GABRB1: variants seen among roughly 807,000 people sequenced by gnomAD.
GABRB1 encodes gamma-aminobutyric acid receptor subunit beta-1.
Under a neutral mutation model 51.6 loss-of-function variants are expected in GABRB1, and 17 were observed. That is an observed-to-expected ratio of 0.33 (90% confidence interval 0.23 to 0.49). GABRB1 has a LOEUF of 0.49. GABRB1 is among the 20% of genes least tolerant of loss of function. GABRB1 has a pLI of 0.99. For synonymous variants in GABRB1, 247 were observed against 218.9 expected, an observed-to-expected ratio of 1.13 and a Z score of -1.14; for missense variants, 410 against 600.6, an observed-to-expected ratio of 0.68 and a Z score of 3.32.
At chr4:47,313,004 C>G (rs1030394770) in intron 4 of GABRB1, among the ~76,000 whole-genome samples, 1 of 152,102 alleles carries the variant, frequency 6.6e-6, no homozygotes, top group Non-Finnish European at 1.5e-5. Context: ...AGGCCAATGA[C>G]CATGCATCAT....
intron 4 of GABRB1, among the ~76,000 whole-genome samples, chr4:47,295,925 C>T (rs189873885): frequency 6.6e-6 from 1 of 152,284 alleles, no homozygotes; most frequent in East Asian, 1.9e-4. Flanking sequence ...AGAAACTCTA[C>T]AAGCCAGAAG....
chr4:47,261,861 G>A (rs370033772), intron 4 of GABRB1, among the ~76,000 whole-genome samples: 18 of 152,104 alleles, frequency 1.2e-4, no homozygotes, highest in Non-Finnish European at 2.5e-4. Context: ...ATCAATGGAA[G>A]AGAACAGAGC....
At chr4:47,263,383 T>C (rs747543241) in intron 4 of GABRB1, among the ~76,000 whole-genome samples, 2 of 151,858 alleles carry the variant, frequency 1.3e-5, no homozygotes, top group Non-Finnish European at 2.9e-5. Context: ...AAGCAGTAAA[T>C]ATGACTAGGG....
At chr4:47,231,843 T>G (rs933612243) in intron 4 of GABRB1, among the ~76,000 whole-genome samples, 1 of 152,208 alleles carries the variant, frequency 6.6e-6, no homozygotes, top group African/African-American at 2.4e-5. Context: ...TTTATCCATG[T>G]TCAACTCTGT....
intron 5 of GABRB1, among the ~76,000 whole-genome samples, chr4:47,391,470 C>T (rs894609581): frequency 6.6e-6 from 1 of 152,200 alleles, no homozygotes; most frequent in Admixed American, 6.5e-5. Context: ...CTTCTCCCCA[C>T]CTCAACTGCA....
intron 3 of GABRB1, among the ~76,000 whole-genome samples, chr4:47,061,937 C>T (rs918754323): frequency 7.9e-5 from 12 of 152,200 alleles, no homozygotes; most frequent in Non-Finnish European, 1.6e-4. Context: ...TTCATTCCCA[C>T]GTTGAATTCT....
At chr4:47,130,178 A>T (rs1424732780) in intron 3 of GABRB1, among the ~76,000 whole-genome samples, 1 of 151,788 alleles carries the variant, frequency 6.6e-6, no homozygotes, top group Non-Finnish European at 1.5e-5. Flanking sequence ...TGATCATGTC[A>T]CTCTCCTGCT....
chr4:47,077,737 T>G (rs983030766), intron 3 of GABRB1, among the ~76,000 whole-genome samples: 3 of 150,396 alleles, frequency 2.0e-5, no homozygotes, highest in African/African-American at 7.3e-5. Context: ...TTGCTAAAAA[T>G]TAGCTTATCA....
intron 3 of GABRB1, among the ~76,000 whole-genome samples, chr4:47,126,823 G>A (rs10011073): frequency 0.014 from 2,195 of 152,088 alleles, 49 homozygotes; most frequent in African/African-American, 0.05. Context: ...AATCATAGAA[G>A]AGAGGACATA....
At chr4:47,150,482 T>C (rs1046517466) in intron 3 of GABRB1, among the ~76,000 whole-genome samples, 19 of 151,940 alleles carry the variant, frequency 1.3e-4, no homozygotes, top group African/African-American at 4.4e-4. Flanking sequence ...GATTAAATAA[T>C]TAACAGTATA....
At chr4:47,315,937 T>C (rs988528114) in intron 4 of GABRB1, among the ~76,000 whole-genome samples, 5 of 151,834 alleles carry the variant, frequency 3.3e-5, no homozygotes, top group African/African-American at 1.2e-4. Context: ...TATTGGATAC[T>C]ATGACTATTA....
chr4:47,155,994 TCCATATTTTG>T (rs902882754), intron 3 of GABRB1, among the ~76,000 whole-genome samples: 1 of 140,496 alleles, frequency 7.1e-6, no homozygotes, highest in African/African-American at 2.6e-5. Context: ...TTAGGTTGAT[TCCATATTTTG>T]CCTATTATGG....
rs1337291918 is a variant in GABRB1, at chr4:47,179,127, C to T, written c.461+17658C>T. Among the ~76,000 whole-genome samples the T allele has an allele frequency of 5.9e-5, 9 of 152,134 alleles. No individual in the cohort carries two copies. The East Asian group carries it at 1.6e-3, about 26-fold the overall frequency. On this transcript the variant is annotated intron_variant, in intron 4 of 8. Coordinates refer to ENST00000295454, the MANE Select transcript of GABRB1 (RefSeq NM_000812.4). ...TTATCTCTCCCCTAGCCCCTCACCC[C>T]CTGACAGGCCCCAGTGTGTGATGTT...
intron 5 of GABRB1, among the ~76,000 whole-genome samples, chr4:47,340,651 A>T (rs772178462): frequency 4.6e-5 from 7 of 152,044 alleles, no homozygotes; most frequent in Non-Finnish European, 1.0e-4. Flanking sequence ...AGCCCTCATG[A>T]TTTAATCACC....
At chr4:47,387,712 G>C (rs773920394) in intron 5 of GABRB1, among the ~76,000 whole-genome samples, 1 of 152,138 alleles carries the variant, frequency 6.6e-6, no homozygotes, top group South Asian at 2.1e-4. Flanking sequence ...GCAGGCATGG[G>C]GGGATCTCAT....
In GABRB1 at chr4:47,031,618, G is replaced by C. The variant is rs768048038; in HGVS notation, c.-34G>C. On this transcript the variant is annotated 5_prime_UTR_variant, in exon 1 of 9. Coordinates refer to ENST00000295454, the MANE Select transcript of GABRB1 (RefSeq NM_000812.4). ...ACTAAGTTGCATTCCTTGAATCTTC[G>C]CAGAAAAGACAATTCTTTTAATCAG... 1 of 1,563,244 alleles carries C rather than the reference G, an allele frequency of 6.4e-7. No homozygotes were observed. The highest frequency in any genetic ancestry group is 1.7e-4 in the Middle Eastern group (1 of 5,962).
intron 4 of GABRB1, among the ~76,000 whole-genome samples, chr4:47,305,132 C>T (rs1274934065): frequency 6.6e-6 from 1 of 152,058 alleles, no homozygotes; most frequent in African/African-American, 2.4e-5. Context: ...TATGCTTAGA[C>T]TATTCGATGT....
At chr4:47,078,058 T>G (rs1727652607) in intron 3 of GABRB1, among the ~76,000 whole-genome samples, 1 of 147,216 alleles carries the variant, frequency 6.8e-6, no homozygotes, top group Non-Finnish European at 1.5e-5. Context: ...GGCATGACCT[T>G]GGCTCACCGC....
intron 4 of GABRB1, among the ~76,000 whole-genome samples, chr4:47,199,392 T>A (rs968510077): frequency 6.6e-6 from 1 of 152,300 alleles, no homozygotes; most frequent in East Asian, 1.9e-4. Context: ...GTACGACTCA[T>A]GGATCCCCTT....
Sources: allele counts gnomAD v4.1 joint callset (sites outside exome capture counted in the v4.1 genomes callset), GRCh38; gene constraint gnomAD v4.1.1; transcripts MANE v1.5; gene names NCBI Gene and HGNC (gene_info 2026-07-23, HGNC 2026-07-21).